CDH18: variants seen among roughly 807,000 people sequenced by gnomAD.
CDH18 encodes cadherin 18, also known as cadherin-18.
A neutral mutation model predicts 67.9 loss-of-function variants in CDH18; 31 were observed. That is an observed-to-expected ratio of 0.46 (90% CI 0.34 to 0.62). CDH18 has a LOEUF of 0.62. Among genes scored for constraint, CDH18 ranks in the 20% least tolerant of loss-of-function variants. The probability of loss-of-function intolerance (pLI) is 0.01; values close to 1 mark genes in which losing one functional copy is unlikely to be tolerated. For missense variants in CDH18, 890 were observed against 975.5 expected, an observed-to-expected ratio of 0.91 and a Z score of 1.17; for synonymous variants, 362 against 347.2, an observed-to-expected ratio of 1.04 and a Z score of -0.48.
intron 2 of CDH18, among the ~76,000 whole-genome samples, chr5:20,081,043 A>G (rs889071545): frequency 2.0e-5 from 3 of 152,170 alleles, no homozygotes; most frequent in Non-Finnish European, 4.4e-5. Context: ...ATCACCAAGT[A>G]CTATGGCTGT....
At chr5:19,730,968 G>T (rs1607901) in intron 4 of CDH18, among the ~76,000 whole-genome samples, 1 of 152,124 alleles carries the variant, frequency 6.6e-6, no homozygotes, top group Non-Finnish European at 1.5e-5. Flanking sequence ...TGGAGATGAG[G>T]AGGCTTTCTG....
intron 2 of CDH18, among the ~76,000 whole-genome samples, chr5:20,227,617 A>G (rs1241191427): frequency 6.6e-6 from 1 of 151,950 alleles, no homozygotes; most frequent in African/African-American, 2.4e-5. Context: ...TCCTTCCTTC[A>G]CTATCCTCTA....
intron 4 of CDH18, among the ~76,000 whole-genome samples, chr5:19,736,812 A>G (rs1175572483): frequency 6.6e-6 from 1 of 152,196 alleles, no homozygotes; most frequent in African/African-American, 2.4e-5. Flanking sequence ...GCACAGCAGG[A>G]GAAGATTTAA....
At chr5:20,438,155 C>T (rs13356967) in intron 1 of CDH18, among the ~76,000 whole-genome samples, 32,181 of 150,568 alleles carry the variant, frequency 0.21, 3,767 homozygotes, top group East Asian at 0.3. Context: ...TCCCTATTCA[C>T]GAATAAAGTA....
At chr5:19,866,556 G>A (rs1785526540) in intron 2 of CDH18, among the ~76,000 whole-genome samples, 1 of 152,196 alleles carries the variant, frequency 6.6e-6, no homozygotes, top group Non-Finnish European at 1.5e-5. Context: ...CTGGTACGAA[G>A]TAAGTAGGGC....
chr5:20,341,814 T>C (rs921647931), intron 1 of CDH18, among the ~76,000 whole-genome samples: 1 of 151,474 alleles, frequency 6.6e-6, no homozygotes, highest in East Asian at 1.9e-4. Context: ...GTTTAGAGAG[T>C]CATGCAAAAA....
In CDH18 at chr5:20,107,095, T is replaced by C. The variant is rs564409392; in HGVS notation, c.-517-115081A>G. On this transcript the variant is annotated intron_variant, in intron 2 of 14. Transcript: ENST00000507958. ...CCTTTTATAACTTTCTTTTTTTTTTTTTTGAGACGGAGTCTCGCTCTGTCG... is the reference window on the plus strand; with the variant it reads ...CCTTTTATAACTTTCTTTTTTTTTTCTTTGAGACGGAGTCTCGCTCTGTCG... 6.7e-4 allele frequency among the ~76,000 whole-genome samples: 101 copies of C among 151,854 alleles called. 2 individuals are homozygous for C. Among genetic ancestry groups the C allele is most frequent in the African/African-American group, 2.4e-3 (99 of 41,474 alleles).
intron 1 of CDH18, among the ~76,000 whole-genome samples, chr5:20,275,707 A>G (rs1227607771): frequency 2.0e-5 from 3 of 152,194 alleles, no homozygotes. Context: ...CTTTCCACAC[A>G]AAAAATCACC....
chr5:20,375,712 T>C (rs1743358407), intron 1 of CDH18, among the ~76,000 whole-genome samples: 1 of 152,182 alleles, frequency 6.6e-6, no homozygotes, highest in Admixed American at 6.5e-5. Context: ...CTCTGCTGGA[T>C]ACAAATTAAT....
chr5:20,196,357 C>A (rs1738979420), intron 2 of CDH18, among the ~76,000 whole-genome samples: 1 of 152,082 alleles, frequency 6.6e-6, no homozygotes, highest in South Asian at 2.1e-4. Context: ...CTTTATTTTA[C>A]AAACAAGAAA....
intron 5 of CDH18, among the ~76,000 whole-genome samples, chr5:19,665,656 T>C (rs188999419): frequency 5.9e-5 from 9 of 152,150 alleles, no homozygotes; most frequent in African/African-American, 2.2e-4. Flanking sequence ...ATAGAGAGAA[T>C]GGATCAGGGT....
intron 1 of CDH18, among the ~76,000 whole-genome samples, chr5:20,341,363 G>A (rs545272750): frequency 2.0e-5 from 3 of 152,084 alleles, no homozygotes; most frequent in South Asian, 4.2e-4. Flanking sequence ...CCCATACAGG[G>A]TGCTTCCTGC....
rs1736792794 is a variant in CDH18, at chr5:20,172,199, T to TATATATAC, written c.-518+83244_-518+83245insGTATATAT. Among the ~76,000 whole-genome samples, 7 of 52,868 alleles carry TATATATAC rather than the reference T, an allele frequency of 1.3e-4. 1 individual carries two copies. The highest frequency in any genetic ancestry group is 6.3e-4 in the South Asian group (1 of 1,584). The allele number at this position is 52,868 out of a possible 152,430, so 34.7% of individuals were successfully genotyped here. A position where few individuals can be genotyped will look rare whatever the true frequency, so the allele number is the denominator to read the frequency against. ...ATCAATAGCATTGTGTGTATATATA[T>TATATATAC]ATATATATATATATATATATATATG... On this transcript the variant is annotated intron_variant, in intron 2 of 14. Coordinates refer to the CDH18 transcript ENST00000507958.
At position 20,518,987 on chromosome 5, in the gene CDH18, T is replaced by C. The variant is rs138049906; in HGVS notation, c.-580+56475A>G. On this transcript the variant is annotated intron_variant, in intron 1 of 14. Coordinates refer to the CDH18 transcript ENST00000507958. Reference sequence around the variant, plus strand: ...AGTAGCATGGATAGAAGAAACAACATCTGATGACTATATATTAGTATTTAG... The same window carrying C: ...AGTAGCATGGATAGAAGAAACAACACCTGATGACTATATATTAGTATTTAG... 4.5e-4 allele frequency among the ~76,000 whole-genome samples: 68 copies of C among 152,222 alleles called. No homozygotes were observed. In the East Asian group the frequency reaches 0.011, roughly 26 times the overall value.
intron 1 of CDH18, among the ~76,000 whole-genome samples, chr5:20,264,563 T>G (rs1744891482): frequency 6.6e-6 from 1 of 151,904 alleles, no homozygotes; most frequent in Admixed American, 6.6e-5. Context: ...TCACGTAAAA[T>G]GCAATTGGAA....
chr5:20,410,452 T>C (rs1746671144), intron 1 of CDH18, among the ~76,000 whole-genome samples: 1 of 151,564 alleles, frequency 6.6e-6, no homozygotes, highest in African/African-American at 2.4e-5. Context: ...ATAAAAACTA[T>C]CAAAAAACTA....
intron 2 of CDH18, among the ~76,000 whole-genome samples, chr5:19,858,497 A>G (rs1784532957): frequency 6.6e-6 from 1 of 152,174 alleles, no homozygotes; most frequent in Non-Finnish European, 1.5e-5. Context: ...GCAGATCAGG[A>G]GCATATAAAC....
At chr5:19,555,466 C>T (rs569697405) in intron 8 of CDH18, among the ~76,000 whole-genome samples, 2 of 152,272 alleles carry the variant, frequency 1.3e-5, no homozygotes, top group Admixed American at 1.3e-4. Flanking sequence ...GGGCTGTGGG[C>T]TGCATGGGAA....
At position 20,227,382 on chromosome 5, in the gene CDH18, C is replaced by T. The variant is rs889536948; in HGVS notation, c.-518+28062G>A. ...TCCACACTCCACAAACGTTCTAATACAGCATGTCATCACAAATAACTGGCA... is the reference window on the plus strand; with the variant it reads ...TCCACACTCCACAAACGTTCTAATATAGCATGTCATCACAAATAACTGGCA... On this transcript the variant is annotated intron_variant, in intron 2 of 14. Coordinates refer to the CDH18 transcript ENST00000507958. Among the ~76,000 whole-genome samples the T allele has an allele frequency of 3.3e-5, 5 of 152,144 alleles. 1 individual carries two copies. The highest frequency in any genetic ancestry group is 3.3e-4 in the Admixed American group (5 of 15,246).
Sources: allele counts gnomAD v4.1 joint callset (sites outside exome capture counted in the v4.1 genomes callset), GRCh38; gene constraint gnomAD v4.1.1; transcripts MANE v1.5; gene names NCBI Gene and HGNC (gene_info 2026-07-23, HGNC 2026-07-21).